Variants in USP34 observed in about 807,000 individuals in gnomAD.
USP34 encodes ubiquitin specific peptidase 34.
USP34 carries 70 observed loss-of-function variants against 460.3 expected under a neutral mutation model. That is an observed-to-expected ratio of 0.15 (90% CI 0.13 to 0.19). The LOEUF is 0.19. USP34 is among the 10% of genes least tolerant of loss of function. The pLI is 1.00. For synonymous variants in USP34, 1,647 were observed against 1,405.3 expected (o/e 1.17, Z -3.85); for missense variants, 3,985 against 4,236.2 (o/e 0.94, Z 1.65).
intron 41 of USP34, among the ~76,000 whole-genome samples, chr2:61,271,246 G>C (rs1312787319): frequency 6.6e-6 from 1 of 152,214 alleles, no homozygotes; most frequent in Non-Finnish European, 1.5e-5. Context: ...AGAGGTTGCA[G>C]TGGACCGAGA....
In USP34 at chr2:61,295,029, T is replaced by A. The variant is rs757069244; in HGVS notation, c.4381A>T (p.Ser1461Cys). The A allele has an allele frequency of 6.2e-7, 1 of 1,611,080 alleles. No individual in the cohort carries two copies. Among genetic ancestry groups the A allele is most frequent in the South Asian group, 1.1e-5 (1 of 89,838 alleles). The stretch of plus-strand genomic sequence containing the variant: ...GAATCTGGATAAAGATCACTGTAAC[T>A]TCCCTATGAGAAAGGCAAAAAAAGT... Reference protein sequence around the residue: ...NRRIRRESTGSYSDLYPDSDD... With the variant: ...NRRIRRESTGCYSDLYPDSDD... Residue 1461 changes from serine (S) to cysteine (C), a missense_variant, in exon 32 of 80, where the codon AGT becomes TGT. Physicochemically the swap from Ser to Cys is moderately radical, Grantham distance 112. Coordinates refer to ENST00000398571, the MANE Select transcript of USP34 (RefSeq NM_014709.4).
intron 5 of USP34, among the ~76,000 whole-genome samples, chr2:61,389,007 TA>T (rs966044720): frequency 1.3e-5 from 2 of 151,850 alleles, no homozygotes; most frequent in South Asian, 2.1e-4. Flanking sequence ...TTTCGGCATT[TA>T]AAAAAAACAA....
At chr2:61,325,291 A>AAC in intron 21 of USP34, 84 bp downstream of exon 21, 1 of 840,448 alleles carries the variant, frequency 1.2e-6, no homozygotes. Context: ...AAAAAAAAAA[A>AAC]CTGCAGAAAT....
chr2:61,316,178 C>T (rs1320657134), intron 23 of USP34, among the ~76,000 whole-genome samples: 1 of 151,896 alleles, frequency 6.6e-6, no homozygotes, highest in Non-Finnish European at 1.5e-5. Flanking sequence ...TGCACTCCAG[C>T]AGTTATCAGA....
chr2:61,421,027 T>C (rs142325629), intron 1 of USP34, among the ~76,000 whole-genome samples, 194 bp from the exon 2 acceptor site: 68 of 150,372 alleles, frequency 4.5e-4, no homozygotes, highest in African/African-American at 1.6e-3. Context: ...ATGTAAGGGG[T>C]GGGGGGGGCA....
Position 61,378,328 on chromosome 2 carries a change from G to C in USP34, c.1076+35C>G, listed in dbSNP as rs780822271. 6 of 1,405,918 alleles carry C rather than the reference G, an allele frequency of 4.3e-6. No individual in the cohort carries two copies. In the Admixed American group the frequency reaches 1.1e-4, roughly 26 times the overall value. The allele number at this position is 1,405,918 out of a possible 1,614,324, so 87.1% of individuals were successfully genotyped here. A position where few individuals can be genotyped will look rare whatever the true frequency, so the allele number is the denominator to read the frequency against. On this transcript the variant is annotated intron_variant, in intron 8 of 79. Coordinates refer to ENST00000398571, the MANE Select transcript of USP34 (RefSeq NM_014709.4). Reference sequence around the variant, plus strand: ...CATATAAACAACTGTACATTAAAATGGTATACTTATATATAAATTAATGCT... The same window carrying C: ...CATATAAACAACTGTACATTAAAATCGTATACTTATATATAAATTAATGCT...
intron 27 of USP34, among the ~76,000 whole-genome samples, chr2:61,309,748 A>G (rs1159037159): frequency 6.6e-6 from 1 of 152,184 alleles, no homozygotes; most frequent in African/African-American, 2.4e-5. Context: ...AAAAGAAAAT[A>G]CAAATTCTAT....
chr2:61,363,388 G>A (rs1692330623), intron 10 of USP34, among the ~76,000 whole-genome samples: 1 of 152,076 alleles, frequency 6.6e-6, no homozygotes, highest in African/African-American at 2.4e-5. Context: ...TCAGGATAGG[G>A]ATACGTTCTG....
chr2:61,377,315 A>G (rs909010413), intron 8 of USP34, among the ~76,000 whole-genome samples: 2 of 152,198 alleles, frequency 1.3e-5, no homozygotes, highest in Admixed American at 1.3e-4. Context: ...AGAATTTTCT[A>G]ACAAACCAAT....
intron 75 of USP34, among the ~76,000 whole-genome samples, chr2:61,195,268 ACTC>A (rs771549510): frequency 1.3e-5 from 2 of 151,320 alleles, no homozygotes; most frequent in African/African-American, 2.4e-5. Context: ...CTGGTCTCAA[ACTC>A]CTGGCATAAT....
intron 1 of USP34, among the ~76,000 whole-genome samples, chr2:61,445,675 C>T (rs1695094319): frequency 6.6e-6 from 1 of 151,018 alleles, no homozygotes; most frequent in Non-Finnish European, 1.5e-5. Context: ...TAATGTCTTA[C>T]AGGCCAGGCA....
chr2:61,319,109 G>GT (rs1230787514), intron 22 of USP34, 64 bp downstream of exon 22: 1 of 1,429,382 alleles, frequency 7.0e-7, no homozygotes, highest in Non-Finnish European at 9.3e-7. Context: ...TACAGAATTC[G>GT]TATTTCAAGA....
intron 8 of USP34, among the ~76,000 whole-genome samples, chr2:61,374,767 C>T (rs1352143556): frequency 6.6e-6 from 1 of 152,156 alleles, no homozygotes; most frequent in Non-Finnish European, 1.5e-5. Flanking sequence ...CGGGGTTTCG[C>T]CATGTTGCCC....
At chr2:61,351,907 G>GTA (rs1357912218) in intron 10 of USP34, among the ~76,000 whole-genome samples, 6 of 152,098 alleles carry the variant, frequency 3.9e-5, no homozygotes, top group Non-Finnish European at 8.8e-5. Flanking sequence ...TGAATACTCA[G>GTA]TAAGTTTACC....
intron 51 of USP34, among the ~76,000 whole-genome samples, chr2:61,244,522 C>T (rs1002426365): frequency 1.3e-5 from 2 of 150,798 alleles, no homozygotes; most frequent in African/African-American, 2.4e-5. Context: ...GGCTGAGACT[C>T]GAGAATAGCT....
intron 1 of USP34, among the ~76,000 whole-genome samples, chr2:61,457,831 G>C (rs1050694157): frequency 6.6e-6 from 1 of 152,156 alleles, no homozygotes; most frequent in African/African-American, 2.4e-5. Context: ...CTGAGTGACA[G>C]AGTGAGACCC....
chr2:61,389,040 G>C (rs920940311), intron 5 of USP34, among the ~76,000 whole-genome samples: 2 of 152,140 alleles, frequency 1.3e-5, no homozygotes, highest in African/African-American at 4.8e-5. Context: ...AGAATGCATA[G>C]TATGTGATTC....
chr2:61,366,923 T>C (rs1381515703), intron 10 of USP34, among the ~76,000 whole-genome samples: 1 of 151,932 alleles, frequency 6.6e-6, no homozygotes, highest in East Asian at 1.9e-4. Context: ...GTGGTGTGCA[T>C]CTGTAGTCCC....
At chr2:61,207,233 A>T in intron 70 of USP34, 1 of 167,432 alleles carries the variant, frequency 6.0e-6, no homozygotes, top group Non-Finnish European at 1.3e-5. Flanking sequence ...GCTTTAACCA[A>T]CTTTCCAGGG....
Sources: gnomAD v4.1 joint callset for allele counts (sites outside exome capture counted in the v4.1 genomes callset) on GRCh38, gnomAD v4.1.1 for gene constraint, MANE v1.5 for transcripts, NCBI Gene and HGNC (gene_info 2026-07-23, HGNC 2026-07-21) for gene names.